Variants in TMEM267 observed in about 807,000 individuals in gnomAD.
TMEM267 encodes transmembrane protein C5orf28.
A neutral mutation model predicts 19.3 loss-of-function variants in TMEM267; 20 were observed. The ratio of observed to expected loss-of-function variants is 1.04; its 90% CI spans 0.73 to 1.51. The LOEUF (loss-of-function observed/expected upper bound fraction) is 1.51. Ranked by LOEUF, TMEM267 falls within the 40% of genes most tolerant of loss-of-function variation. TMEM267 has a pLI of 0.00. For synonymous variants in TMEM267, 88 were observed against 90.3 expected (o/e 0.97, Z 0.15); for missense variants, 242 against 261.9 (o/e 0.92, Z 0.52).
intron 1 of TMEM267, among the ~76,000 whole-genome samples, chr5:43,470,959 T>A (rs1744031659): frequency 6.6e-6 from 1 of 150,688 alleles, no homozygotes; most frequent in Non-Finnish European, 1.5e-5. Flanking sequence ...TAAATAAAAT[T>A]GAAATAAAAA....
At chr5:43,479,241 T>C (rs966724041) in intron 1 of TMEM267, among the ~76,000 whole-genome samples, 5 of 151,944 alleles carry the variant, frequency 3.3e-5, no homozygotes, top group Admixed American at 6.6e-5. Flanking sequence ...ATGTAAAAAA[T>C]TACATTTTTG....
chr5:43,456,274 A>G (rs1477988112), intron 1 of TMEM267, among the ~76,000 whole-genome samples: 1 of 152,232 alleles, frequency 6.6e-6, no homozygotes, highest in African/African-American at 2.4e-5. Flanking sequence ...CCATATACAA[A>G]AATTATCTCA....
Position 43,475,179 on chromosome 5 carries a change from A to G in TMEM267, c.-75+8643T>C, listed in dbSNP as rs1235974647. On this transcript the variant is annotated intron_variant, in intron 1 of 2. Transcript: ENST00000397080. ...AAATGTGGCACATATACACCACAGAATACTATGCAACCATAAAAAAGAATG... is the reference window on the plus strand; with the variant it reads ...AAATGTGGCACATATACACCACAGAGTACTATGCAACCATAAAAAAGAATG... 2.6e-5 allele frequency among the ~76,000 whole-genome samples: 4 copies of G among 152,240 alleles called. No homozygotes were observed. The East Asian group carries it at 7.7e-4, about 29-fold the overall frequency.
At position 43,446,211 on chromosome 5, in the gene TMEM267, TG is replaced by T; in HGVS notation, c.*10del. 1 of 1,570,802 alleles carries T rather than the reference TG, an allele frequency of 6.4e-7. No individual in the cohort carries two copies. The highest frequency in any genetic ancestry group is 1.1e-5 in the South Asian group (1 of 88,204). On this transcript the variant is annotated 3_prime_UTR_variant, in exon 3 of 3. Coordinates refer to ENST00000397080, the MANE Select transcript of TMEM267 (RefSeq NM_022483.5). ...TCTGAGCCATTTGCTTCTCTAAGAC[TG>T]CCGTGTACCTCAGACATCAATACGA...
In TMEM267 at chr5:43,446,878, G is replaced by A. The variant is rs530789847; in HGVS notation, c.313-321C>T. 7.0e-4 allele frequency among the ~76,000 whole-genome samples: 106 copies of A among 151,926 alleles called. 1 individual carries two copies. The highest frequency in any genetic ancestry group is 1.1e-3 in the Non-Finnish European group (76 of 67,964). ...TCTAAGTGTACAGTTTGTGTAATTT[G>A]GAGTTTTATATAATTATCCAGGGCC... On this transcript the variant is annotated intron_variant, in intron 2 of 2. Transcript: ENST00000397080.
chr5:43,457,696 A>G (rs1743030837), intron 1 of TMEM267, among the ~76,000 whole-genome samples: 1 of 152,222 alleles, frequency 6.6e-6, no homozygotes, highest in Non-Finnish European at 1.5e-5. Context: ...GGGTGAGGAC[A>G]CAAATCCAAA....
intron 1 of TMEM267, among the ~76,000 whole-genome samples, chr5:43,457,110 A>C (rs1159519236): frequency 6.6e-6 from 1 of 152,242 alleles, no homozygotes; most frequent in African/African-American, 2.4e-5. Context: ...AACAAACAAA[A>C]ATTACACAGT....
intron 1 of TMEM267, among the ~76,000 whole-genome samples, chr5:43,473,431 C>T (rs1023968849): frequency 2.6e-5 from 4 of 152,072 alleles, no homozygotes; most frequent in Non-Finnish European, 5.9e-5. Context: ...AATCAATGCG[C>T]AAAAATCACA....
At position 43,444,747 on chromosome 5, in the gene TMEM267, A is replaced by T. The variant is rs2111982957; in HGVS notation, c.*1475T>A. ...AGTGCTTAAAAAAAAAACTCTAATCAAATTTACCCCCACTATATAATATTT... is the reference window on the plus strand; with the variant it reads ...AGTGCTTAAAAAAAAAACTCTAATCTAATTTACCCCCACTATATAATATTT... On this transcript the variant is annotated 3_prime_UTR_variant, in exon 3 of 3. Transcript: ENST00000397080. 6.6e-6 allele frequency: 1 copy of T among 152,238 alleles called. No individual in the cohort carries two copies. The highest frequency in any genetic ancestry group is 1.5e-5 in the Non-Finnish European group (1 of 68,020). 9.4% of individuals were successfully genotyped at this position (152,238 alleles called of 1,614,324 possible).
At chr5:43,478,368 G>T (rs116365751) in intron 1 of TMEM267, among the ~76,000 whole-genome samples, 1 of 152,100 alleles carries the variant, frequency 6.6e-6, no homozygotes, top group Admixed American at 6.5e-5. Context: ...AACTTCCATG[G>T]TTAGATAGCT....
At chr5:43,483,991 T>C (rs992330318), upstream of TMEM267, 2 of 152,242 alleles carry the variant, frequency 1.3e-5, no homozygotes, top group Admixed American at 6.5e-5. Context: ...ACGCATGAGT[T>C]GTTTGGTGCG....
intron 2 of TMEM267, among the ~76,000 whole-genome samples, chr5:43,452,092 A>AG (rs1289030892): frequency 1.3e-4 from 19 of 151,308 alleles, no homozygotes; most frequent in African/African-American, 1.9e-4. Context: ...AAAAAAAAAA[A>AG]AAAGAAAGAA....
chr5:43,464,999 T>G, intron 1 of TMEM267, among the ~76,000 whole-genome samples: 1 of 152,086 alleles, frequency 6.6e-6, no homozygotes, highest in Admixed American at 6.5e-5. Flanking sequence ...CAAAAGAAAC[T>G]ACCATCAGAG....
chr5:43,471,360 A>G (rs980107971), intron 1 of TMEM267, among the ~76,000 whole-genome samples: 2 of 152,064 alleles, frequency 1.3e-5, no homozygotes, highest in South Asian at 4.1e-4. Context: ...AATGTCCATA[A>G]TACCCAAAGC....
chr5:43,458,225 T>C (rs1313860409), intron 1 of TMEM267, among the ~76,000 whole-genome samples: 1 of 152,112 alleles, frequency 6.6e-6, no homozygotes, highest in East Asian at 1.9e-4. Flanking sequence ...CTCAGCCTCC[T>C]GAGTAGCTGG....
intron 1 of TMEM267, among the ~76,000 whole-genome samples, chr5:43,461,207 G>C (rs1241576387): frequency 6.6e-6 from 1 of 152,164 alleles, no homozygotes; most frequent in Non-Finnish European, 1.5e-5. Flanking sequence ...CTGCCTTGAA[G>C]GACAGGACTC....
intron 2 of TMEM267, among the ~76,000 whole-genome samples, chr5:43,451,777 T>C (rs939439268): frequency 2.0e-5 from 3 of 152,128 alleles, no homozygotes; most frequent in African/African-American, 7.2e-5. Context: ...TAAGTTATTA[T>C]AAAAAACTTA....
intron 1 of TMEM267, among the ~76,000 whole-genome samples, chr5:43,479,634 GTAA>G (rs930615777): frequency 3.0e-4 from 46 of 152,090 alleles, no homozygotes; most frequent in African/African-American, 1.1e-3. Context: ...TCATAGTTAT[GTAA>G]TAATAGACAC....
chr5:43,476,736 C>T (rs541853973), intron 1 of TMEM267, among the ~76,000 whole-genome samples: 1 of 151,574 alleles, frequency 6.6e-6, no homozygotes, highest in African/African-American at 2.4e-5. Flanking sequence ...AATACAAAAT[C>T]GAGAACCAGA....
Sources: gnomAD v4.1 joint callset for allele counts (sites outside exome capture counted in the v4.1 genomes callset) on GRCh38, gnomAD v4.1.1 for gene constraint, MANE v1.5 for transcripts, NCBI Gene and HGNC (gene_info 2026-07-23, HGNC 2026-07-21) for gene names.